DIP2C: variants seen among roughly 807,000 people sequenced by gnomAD.
The protein encoded by DIP2C is disco-interacting protein 2 homolog C.
DIP2C carries 33 observed loss-of-function variants against 192.4 expected under a neutral mutation model. The ratio of observed to expected loss-of-function variants is 0.17; its 90% CI spans 0.13 to 0.23. The LOEUF is 0.23. Among genes scored for constraint, DIP2C ranks in the 10% least tolerant of loss-of-function variants. DIP2C has a pLI of 1.00. For synonymous variants in DIP2C, 979 were observed against 864.1 expected (o/e 1.13, Z -2.33); for missense variants, 1,537 against 2,110.1 (o/e 0.73, Z 5.32).
intron 2 of DIP2C, 51 bp from the exon 3 acceptor site, chr10:472,600 T>G: frequency 6.8e-7 from 1 of 1,462,706 alleles, no homozygotes; most frequent in Non-Finnish European, 9.4e-7. Flanking sequence ...CTCAGCGGAG[T>G]CAGCAGACTC....
chr10:289,243 G>T (rs1489858582), intron 32 of DIP2C, among the ~76,000 whole-genome samples: 1 of 150,320 alleles, frequency 6.7e-6, no homozygotes, highest in Non-Finnish European at 1.5e-5. Flanking sequence ...GGGCTCCTGA[G>T]ACACCCTTCC....
At chr10:641,405 A>T (rs570333945) in intron 1 of DIP2C, among the ~76,000 whole-genome samples, 91 of 152,292 alleles carry the variant, frequency 6.0e-4, no homozygotes, top group Admixed American at 1.6e-3. Context: ...CCGAGGCTAC[A>T]TCCCCTACGT....
intron 1 of DIP2C, among the ~76,000 whole-genome samples, chr10:548,907 C>G (rs1433135810): frequency 4.8e-5 from 1 of 20,880 alleles, no homozygotes; most frequent in Non-Finnish European, 1.0e-4. Context: ...AAAATAGCAG[C>G]TCACAAAAAA....
intron 35 of DIP2C, among the ~76,000 whole-genome samples, chr10:282,830 C>T (rs1954906834): frequency 6.6e-6 from 1 of 152,254 alleles, no homozygotes; most frequent in East Asian, 1.9e-4. Flanking sequence ...CCTCCTCTTC[C>T]CTGACAGGGG....
intron 17 of DIP2C, among the ~76,000 whole-genome samples, chr10:380,914 C>T (rs1469057015): frequency 6.6e-6 from 1 of 152,218 alleles, no homozygotes; most frequent in Non-Finnish European, 1.5e-5. Flanking sequence ...CAAAAACACG[C>T]ATCTGTCCCA....
At chr10:569,176 G>T (rs2131513394) in intron 1 of DIP2C, among the ~76,000 whole-genome samples, 1 of 152,276 alleles carries the variant, frequency 6.6e-6, no homozygotes, top group Non-Finnish European at 1.5e-5. Context: ...AAAAGAATAT[G>T]CAGAGACTTC....
At chr10:527,748 G>C (rs1847140332) in intron 1 of DIP2C, among the ~76,000 whole-genome samples, 1 of 152,206 alleles carries the variant, frequency 6.6e-6, no homozygotes, top group African/African-American at 2.4e-5. Context: ...GGTTGGCCTA[G>C]AACCACAGGC....
intron 29 of DIP2C, among the ~76,000 whole-genome samples, chr10:336,417 A>G (rs1360259828): frequency 6.6e-6 from 1 of 152,234 alleles, no homozygotes; most frequent in African/African-American, 2.4e-5. Context: ...AGCACAGCAC[A>G]TACAATCATG....
At chr10:450,684 A>AG (rs1261723172) in intron 3 of DIP2C, among the ~76,000 whole-genome samples, 1 of 152,070 alleles carries the variant, frequency 6.6e-6, no homozygotes, top group Non-Finnish European at 1.5e-5. Context: ...CAAGACCCCC[A>AG]GGGTGACGAC....
In DIP2C at chr10:676,379, C is replaced by T. The variant is rs143128719; in HGVS notation, c.85+13115G>A. On this transcript the variant is annotated intron_variant, in intron 1 of 36. Transcript: ENST00000280886. ...ACAAGGACGCCCACTTGTACCACTC[C>T]TATTCAACACAGTACTGAAAGTCCT... Among the ~76,000 whole-genome samples, 462 of 152,158 alleles carry T rather than the reference C, an allele frequency of 3.0e-3. 2 individuals carry two copies. The highest frequency in any genetic ancestry group is 4.8e-3 in the Non-Finnish European group (328 of 68,006).
intron 3 of DIP2C, among the ~76,000 whole-genome samples, chr10:463,537 G>A (rs770146829): frequency 3.2e-4 from 49 of 152,180 alleles, no homozygotes; most frequent in Non-Finnish European, 6.2e-4. Context: ...TCATGGATAG[G>A]AAGAATATCA....
At chr10:312,461 C>G (rs912123696) in intron 31 of DIP2C, among the ~76,000 whole-genome samples, 19 of 152,170 alleles carry the variant, frequency 1.2e-4, no homozygotes, top group African/African-American at 4.6e-4. Context: ...CACCCACAAC[C>G]CCATGACGGC....
At chr10:643,082 T>C (rs1855280906) in intron 1 of DIP2C, among the ~76,000 whole-genome samples, 1 of 151,966 alleles carries the variant, frequency 6.6e-6, no homozygotes. Flanking sequence ...CACATGTCTG[T>C]AATCCCAGCT....
In DIP2C at chr10:547,308, C is replaced by A. The variant is rs1848336181; in HGVS notation, c.86-60778G>T. On this transcript the variant is annotated intron_variant, in intron 1 of 36. Transcript: ENST00000280886. ...GCCTACAGGGAGAAGCATGCACCCACACATCAGAAAGCCCTCCCAGGCCCA... is the reference window on the plus strand; with the variant it reads ...GCCTACAGGGAGAAGCATGCACCCAAACATCAGAAAGCCCTCCCAGGCCCA... Among the ~76,000 whole-genome samples, 3 of 152,320 alleles carry A rather than the reference C, an allele frequency of 2.0e-5. No individual in the cohort carries two copies. In the South Asian group the frequency reaches 6.2e-4, roughly 32 times the overall value.
intron 24 of DIP2C, among the ~76,000 whole-genome samples, chr10:354,592 G>A (rs1027799783): frequency 6.6e-6 from 1 of 152,144 alleles, no homozygotes. Flanking sequence ...ACACATGCTT[G>A]TGCAACCCCC....
chr10:351,008 C>G (rs1458390154), intron 24 of DIP2C, among the ~76,000 whole-genome samples: 1 of 151,628 alleles, frequency 6.6e-6, no homozygotes, highest in Admixed American at 6.6e-5. Flanking sequence ...ATGGAGCGCG[C>G]GGCGGGCCTG....
intron 18 of DIP2C, among the ~76,000 whole-genome samples, chr10:367,401 C>A (rs1228268257): frequency 6.8e-6 from 1 of 146,802 alleles, no homozygotes; most frequent in Admixed American, 6.9e-5. Flanking sequence ...TGGGCGACAG[C>A]GAGACTCCGT....
In DIP2C at chr10:423,005, G is replaced by C; in HGVS notation, c.423C>G (p.Gly141=). ...PDTSSGSEDE[G]SVQGDSQGTP... is the part of the protein sequence containing the mutation. ...TGCCCTGGGAGTCCCCCTGCACTGAGCCTTCATCTTCTGAGCCAGAAGAGG... is the reference window on the plus strand; with the variant it reads ...TGCCCTGGGAGTCCCCCTGCACTGACCCTTCATCTTCTGAGCCAGAAGAGG... The change falls in exon 5 of 37, where the codon GGC becomes GGG. Residue 141 remains glycine, a synonymous_variant. Transcript: ENST00000280886. The C allele has an allele frequency of 6.2e-7, 1 of 1,612,376 alleles. No individual in the cohort carries two copies. Among genetic ancestry groups the C allele is most frequent in the Non-Finnish European group, 8.5e-7 (1 of 1,178,880 alleles).
chr10:369,449 C>G (rs767892341), intron 18 of DIP2C, 45 bp downstream of exon 18: 3 of 1,483,364 alleles, frequency 2.0e-6, no homozygotes, highest in East Asian at 4.9e-5. Context: ...GTTAGAAAAG[C>G]ATTTAATAAC....
Sources: gnomAD v4.1 joint callset for allele counts (sites outside exome capture counted in the v4.1 genomes callset) on GRCh38, gnomAD v4.1.1 for gene constraint, MANE v1.5 for transcripts, NCBI Gene and HGNC (gene_info 2026-07-23, HGNC 2026-07-21) for gene names.